NR2C2: variants seen among roughly 807,000 people sequenced by gnomAD.
The protein encoded by NR2C2 is nuclear receptor subfamily 2 group C member 2.
Under a neutral mutation model 62.9 loss-of-function variants are expected in NR2C2, and 6 were observed. The ratio of observed to expected loss-of-function variants is 0.10; its 90% CI spans 0.05 to 0.19. The LOEUF (loss-of-function observed/expected upper bound fraction) is 0.19, where lower values mean the gene tolerates loss of function less well. Among genes scored for constraint, NR2C2 ranks in the 10% least tolerant of loss-of-function variants. The probability of loss-of-function intolerance (pLI) is 1.00; values close to 1 mark genes in which losing one functional copy is unlikely to be tolerated. For synonymous variants in NR2C2, 272 were observed against 273.8 expected, an observed-to-expected ratio of 0.99 and a Z score of 0.07; for missense variants, 479 against 762.7, an observed-to-expected ratio of 0.63 and a Z score of 4.38.
intron 1 of NR2C2, among the ~76,000 whole-genome samples, chr3:14,999,099 C>A (rs1021259840): frequency 6.6e-6 from 1 of 152,136 alleles, no homozygotes; most frequent in African/African-American, 2.4e-5. Flanking sequence ...GGTGGATCAC[C>A]TGAGGTCAGG....
At chr3:15,019,403 C>G (rs1363507081) in intron 4 of NR2C2, among the ~76,000 whole-genome samples, 3 of 152,106 alleles carry the variant, frequency 2.0e-5, no homozygotes, top group Admixed American at 1.3e-4. Context: ...CATGATCCAG[C>G]AATCTCAGTA....
chr3:15,000,192 C>G (rs191774277), intron 1 of NR2C2, among the ~76,000 whole-genome samples: 1 of 152,274 alleles, frequency 6.6e-6, no homozygotes, highest in African/African-American at 2.4e-5. Context: ...CCCTCAGCCT[C>G]TGTTAACTAC....
intron 1 of NR2C2, among the ~76,000 whole-genome samples, chr3:15,001,318 GTTTTTTTTTT>G (rs61017075): frequency 1.0e-5 from 1 of 97,484 alleles, no homozygotes; most frequent in Admixed American, 1.2e-4. Flanking sequence ...TTTGTTTTGG[GTTTTTTTTTT>G]TTTTTTTTTT....
chr3:14,969,336 C>G (rs149182745), intron 1 of NR2C2, among the ~76,000 whole-genome samples: 1 of 148,868 alleles, frequency 6.7e-6, no homozygotes, highest in Non-Finnish European at 1.5e-5. Flanking sequence ...ACAACCACTT[C>G]CGTTCAAGCA....
intron 1 of NR2C2, among the ~76,000 whole-genome samples, chr3:14,949,149 T>A (rs1169815136): frequency 6.6e-6 from 1 of 152,176 alleles, no homozygotes; most frequent in African/African-American, 2.4e-5. Context: ...GAACCAGCTG[T>A]ACAAGACCCC....
intron 7 of NR2C2, 146 bp downstream of exon 7, chr3:15,024,354 G>C: frequency 3.4e-6 from 2 of 582,942 alleles, no homozygotes; most frequent in Non-Finnish European, 6.0e-6. Flanking sequence ...TGTTGTGATA[G>C]CTATCTTGTG....
chr3:15,014,453 C>T (rs541160787), intron 3 of NR2C2, among the ~76,000 whole-genome samples: 72 of 150,438 alleles, frequency 4.8e-4, no homozygotes, highest in Non-Finnish European at 6.9e-4. Context: ...GAGCATGCTT[C>T]GTCAGGGTTG....
chr3:14,973,604 TAC>T (rs757064651), intron 1 of NR2C2, among the ~76,000 whole-genome samples: 9,463 of 152,184 alleles, frequency 0.062, 370 homozygotes, highest in East Asian at 0.13. Context: ...GATCCAGTTA[TAC>T]GGTATTGTAT....
chr3:15,038,046 G>C lies in NR2C2; in HGVS notation c.1419G>C (p.Trp473Cys), dbSNP rs2042152617. The change falls in exon 12 of 14, where the codon TGG becomes TGC. Residue 473 changes from tryptophan to cysteine, a missense_variant. Physicochemically the swap from Trp to Cys is radical, Grantham distance 215. This residue lies in a region of NR2C2 where 162 missense variants were observed against 296.8 expected (regional missense o/e 0.55). Coordinates refer to ENST00000425241, the MANE Select transcript of NR2C2 (RefSeq NM_001291694.2). ...TAAAGCAAGTCATGGAGCACATCTGGAAGCTGCAGGAGTTCTGTAACAGCA... is the reference window on the plus strand; with the variant it reads ...TAAAGCAAGTCATGGAGCACATCTGCAAGCTGCAGGAGTTCTGTAACAGCA... Reference protein sequence around the residue: ...DRIKQVMEHIWKLQEFCNSMA... With the variant: ...DRIKQVMEHICKLQEFCNSMA... 1 of 1,614,000 alleles carries C rather than the reference G, an allele frequency of 6.2e-7. No individual in the cohort carries two copies. The highest frequency in any genetic ancestry group is 1.3e-5 in the African/African-American group (1 of 74,916).
chr3:14,954,067 G>A (rs1004716736), intron 1 of NR2C2, among the ~76,000 whole-genome samples: 3 of 152,060 alleles, frequency 2.0e-5, no homozygotes, highest in Non-Finnish European at 4.4e-5. Context: ...CTTGTCCCCT[G>A]TCCCACCACT....
chr3:14,948,933 C>G (rs528503896), intron 1 of NR2C2, among the ~76,000 whole-genome samples: 1 of 152,120 alleles, frequency 6.6e-6, no homozygotes, highest in South Asian at 2.1e-4. Flanking sequence ...GGGCTCTACT[C>G]AGAAAATGGA....
chr3:15,009,056 A>G (rs2041273908), intron 2 of NR2C2, among the ~76,000 whole-genome samples: 1 of 150,822 alleles, frequency 6.6e-6, no homozygotes, highest in Admixed American at 6.7e-5. Context: ...TCCCATCTCT[A>G]CTAAAAATAC....
intron 1 of NR2C2, among the ~76,000 whole-genome samples, chr3:14,997,687 T>C (rs952428947): frequency 1.5e-4 from 23 of 152,332 alleles, no homozygotes; most frequent in African/African-American, 5.3e-4. Flanking sequence ...TGGATTCTGT[T>C]GACTTCATTG....
chr3:14,989,647 T>A (rs116374624), intron 1 of NR2C2, among the ~76,000 whole-genome samples: 2,037 of 151,642 alleles, frequency 0.013, 17 homozygotes, highest in Middle Eastern at 0.024. Flanking sequence ...AAAGAAAAAA[T>A]TTGACTGGGT....
chr3:14,965,300 G>A (rs1211421036), intron 1 of NR2C2, among the ~76,000 whole-genome samples: 2 of 152,054 alleles, frequency 1.3e-5, no homozygotes, highest in African/African-American at 4.8e-5. Context: ...ACTGCTATGT[G>A]GATTGCTGCC....
At chr3:15,040,613 G>A (rs772002086) in intron 13 of NR2C2, among the ~76,000 whole-genome samples, 3 of 152,204 alleles carry the variant, frequency 2.0e-5, no homozygotes, top group Middle Eastern at 3.2e-3. Context: ...CATTTCTCTG[G>A]TGTGACTGGG....
At chr3:15,020,456 G>A (rs1238009676) in intron 4 of NR2C2, among the ~76,000 whole-genome samples, 1 of 152,248 alleles carries the variant, frequency 6.6e-6, no homozygotes, top group African/African-American at 2.4e-5. Flanking sequence ...CCTACTGTAT[G>A]TTAGACCATT....
rs547206377 is a variant in NR2C2, at chr3:15,039,097, G to GGC, written c.1511-24_1511-23insCG. ...GACTTTTCAAATACAGAGGGAACTG[G>GGC]GGGGGGGTACTTTTCTGTTTTCAGA... On this transcript the variant is annotated intron_variant, in intron 12 of 13. Transcript: ENST00000425241. 9.0e-4 allele frequency: 1,385 copies of GGC among 1,538,520 alleles called. 4 individuals are homozygous for GGC. The highest frequency in any genetic ancestry group is 1.9e-3 in the Admixed American group (116 of 59,780).
chr3:14,950,766 A>G (rs2039332574), intron 1 of NR2C2, among the ~76,000 whole-genome samples: 1 of 152,194 alleles, frequency 6.6e-6, no homozygotes, highest in South Asian at 2.1e-4. Flanking sequence ...CAGCACTTAG[A>G]AGAGTGCCTG....
Sources: gnomAD v4.1 joint callset for allele counts (sites outside exome capture counted in the v4.1 genomes callset) on GRCh38, gnomAD v4.1.1 for gene constraint, gnomAD v4.1.1 regional missense constraint, MANE v1.5 for transcripts, NCBI Gene and HGNC (gene_info 2026-07-23, HGNC 2026-07-21) for gene names.